AFAP1: variants seen among roughly 807,000 people sequenced by gnomAD.
AFAP1 encodes the protein actin filament-associated protein 1.
Under a neutral mutation model 93.9 loss-of-function variants are expected in AFAP1, and 75 were observed. That is an observed-to-expected ratio of 0.80 (90% confidence interval 0.66 to 0.97). The LOEUF is 0.97. AFAP1 is among the 50% of genes least tolerant of loss of function. The pLI, the probability that AFAP1 is intolerant of heterozygous loss-of-function variation, is 0.00. For synonymous variants in AFAP1, 517 were observed against 430.7 expected, an observed-to-expected ratio of 1.20 and a Z score of -2.48; for missense variants, 1,201 against 1,050.8, an observed-to-expected ratio of 1.14 and a Z score of -1.98.
intron 1 of AFAP1, among the ~76,000 whole-genome samples, chr4:7,928,412 GTC>G (rs914085553): frequency 1.3e-5 from 2 of 152,076 alleles, no homozygotes; most frequent in Non-Finnish European, 2.9e-5. Context: ...TTTTGAGACA[GTC>G]TCTCTCTCTG....
At chr4:7,798,616 A>G (rs1331229598) in intron 10 of AFAP1, among the ~76,000 whole-genome samples, 1 of 152,224 alleles carries the variant, frequency 6.6e-6, no homozygotes, top group Non-Finnish European at 1.5e-5. Context: ...ATACTGGGTA[A>G]ATTTCCAATT....
intron 10 of AFAP1, among the ~76,000 whole-genome samples, chr4:7,796,074 T>C (rs1455628295): frequency 6.6e-6 from 1 of 152,162 alleles, no homozygotes; most frequent in African/African-American, 2.4e-5. Flanking sequence ...TGTGTGTATG[T>C]ATCCACATCC....
At chr4:7,917,757 A>T (rs1720163883) in intron 1 of AFAP1, among the ~76,000 whole-genome samples, 1 of 152,150 alleles carries the variant, frequency 6.6e-6, no homozygotes, top group Non-Finnish European at 1.5e-5. Context: ...AGGAGTTTGG[A>T]ACCACCCTTC....
intron 14 of AFAP1, 119 bp from the exon 15 acceptor site, chr4:7,775,022 T>A: frequency 8.2e-7 from 1 of 1,217,820 alleles, no homozygotes; most frequent in South Asian, 1.5e-5. Flanking sequence ...ATGCCTATAG[T>A]CCCAGCTACT....
At chr4:7,795,754 C>T (rs781510683) in intron 10 of AFAP1, among the ~76,000 whole-genome samples, 13 of 152,024 alleles carry the variant, frequency 8.6e-5, no homozygotes, top group African/African-American at 1.2e-4. Context: ...TAATCTATAC[C>T]TATGTCACTA....
chr4:7,860,244 G>C (rs1715522118), intron 3 of AFAP1, among the ~76,000 whole-genome samples: 1 of 152,150 alleles, frequency 6.6e-6, no homozygotes, highest in African/African-American at 2.4e-5. Flanking sequence ...CTTGGGACCA[G>C]AAATGTTTCT....
intron 6 of AFAP1, among the ~76,000 whole-genome samples, chr4:7,832,606 T>C (rs569190296): frequency 6.5e-4 from 97 of 150,006 alleles, no homozygotes; most frequent in Middle Eastern, 3.4e-3. Context: ...TGAAGACAAT[T>C]AGAAAAGCAA....
At chr4:7,918,300 C>A (rs1290517784) in intron 1 of AFAP1, among the ~76,000 whole-genome samples, 1 of 149,168 alleles carries the variant, frequency 6.7e-6, no homozygotes, top group African/African-American at 2.5e-5. Context: ...GGAAACAGGG[C>A]TGTGGATGAG....
At chr4:7,804,302 C>T (rs1248300547) in intron 9 of AFAP1, among the ~76,000 whole-genome samples, 9 of 152,220 alleles carry the variant, frequency 5.9e-5, no homozygotes, top group African/African-American at 1.9e-4. Context: ...AAGATTTAAC[C>T]ACTTAACAAG....
chr4:7,764,346 G>A (rs1342138702), intron 17 of AFAP1, among the ~76,000 whole-genome samples: 7 of 151,996 alleles, frequency 4.6e-5, no homozygotes, highest in African/African-American at 1.2e-4. Context: ...TTTGAGACCA[G>A]CCTAGGCAAC....
intron 3 of AFAP1, among the ~76,000 whole-genome samples, chr4:7,859,727 C>T (rs1715457152): frequency 6.6e-6 from 1 of 152,168 alleles, no homozygotes; most frequent in Non-Finnish European, 1.5e-5. Context: ...CTAGTACTTA[C>T]ACAACACCAC....
Position 7,781,550 on chromosome 4 carries a change from C to T in AFAP1, c.1608G>A (p.Leu536=). ...TGTGCGGAGGCGGCAAGTTATCGTA[C>T]AGGCCTGCGTTATCATAAAGCACCT... ...GEEVLYDNAG[L]YDNLPPPHIF... is the part of the protein sequence containing the mutation. Residue 536 remains leucine, a synonymous_variant, in exon 13 of 18, where the codon CTG becomes CTA. Coordinates refer to ENST00000420658, the MANE Select transcript of AFAP1 (RefSeq NM_001134647.2). The T allele has an allele frequency of 6.4e-7, 1 of 1,552,036 alleles. No individual in the cohort carries two copies. The highest frequency in any genetic ancestry group is 1.2e-5 in the South Asian group (1 of 84,062).
At chr4:7,798,466 T>A (rs1261320122) in intron 10 of AFAP1, among the ~76,000 whole-genome samples, 1 of 111,110 alleles carries the variant, frequency 9.0e-6, no homozygotes, top group African/African-American at 3.4e-5. Flanking sequence ...CTCACGGCAT[T>A]GCAACTCTAT....
At position 7,923,918 on chromosome 4, in the gene AFAP1, C is replaced by T. The variant is rs568213088; in HGVS notation, c.-3+15738G>A. Among the ~76,000 whole-genome samples the T allele has an allele frequency of 3.3e-5, 5 of 152,308 alleles. No homozygotes were observed. In the South Asian group the frequency reaches 1.0e-3, roughly 32 times the overall value. Reference sequence around the variant, plus strand: ...TACGAGAATCTGGGGGAGACATAAACATTCAGTTTATAACAATGTCTTTTC... The same window carrying T: ...TACGAGAATCTGGGGGAGACATAAATATTCAGTTTATAACAATGTCTTTTC... On this transcript the variant is annotated intron_variant, in intron 1 of 17. Transcript: ENST00000420658.
At chr4:7,767,461 G>T (rs1228717832) in intron 17 of AFAP1, among the ~76,000 whole-genome samples, 1 of 152,206 alleles carries the variant, frequency 6.6e-6, no homozygotes, top group Non-Finnish European at 1.5e-5. Flanking sequence ...TCATTGGGCA[G>T]CTCAATTCTA....
intron 1 of AFAP1, among the ~76,000 whole-genome samples, chr4:7,909,290 T>A (rs575069018): frequency 1.3e-5 from 2 of 152,276 alleles, no homozygotes; most frequent in East Asian, 3.9e-4. Context: ...TTTAAAAACT[T>A]GCCCCAAATT....
chr4:7,840,822 C>T (rs947645489), intron 5 of AFAP1, among the ~76,000 whole-genome samples: 6 of 152,082 alleles, frequency 3.9e-5, no homozygotes, highest in African/African-American at 7.2e-5. Flanking sequence ...TGGAAGGAAT[C>T]GGAAAGGGAA....
At chr4:7,916,761 A>G (rs888864184) in intron 1 of AFAP1, among the ~76,000 whole-genome samples, 1 of 152,074 alleles carries the variant, frequency 6.6e-6, no homozygotes, top group African/African-American at 2.4e-5. Context: ...CTCGGACCAG[A>G]CTCAGCAGAA....
At position 7,799,070 on chromosome 4, in the gene AFAP1, G is replaced by A. The variant is rs1169587406; in HGVS notation, c.1266+1372C>T. On this transcript the variant is annotated intron_variant, in intron 10 of 17. Coordinates refer to ENST00000420658, the MANE Select transcript of AFAP1 (RefSeq NM_001134647.2). ...TTTCAGCCTACATAAATGTTTACAA[G>A]GTACACTGACTCTAGCTCAGCATTC... 16 of 985,888 alleles carry A rather than the reference G, an allele frequency of 1.6e-5. No individual in the cohort carries two copies. In the South Asian group the frequency reaches 7.5e-4, roughly 46 times the overall value. The allele number at this position is 985,888 out of a possible 1,614,324, so 61.1% of individuals were successfully genotyped here.
Sources: allele counts gnomAD v4.1 joint callset (sites outside exome capture counted in the v4.1 genomes callset), GRCh38; gene constraint gnomAD v4.1.1; transcripts MANE v1.5; gene names NCBI Gene and HGNC (gene_info 2026-07-23, HGNC 2026-07-21).